Variants in C10orf143 observed in about 807,000 individuals in gnomAD.
The protein encoded by C10orf143 is uncharacterized protein C10orf143.
At position 130,058,580 on chromosome 10, in the gene C10orf143, A is replaced by ATTTT. The variant is rs5789009; in HGVS notation, c.297+20982_297+20985dup. 1.4e-3 allele frequency among the ~76,000 whole-genome samples: 201 copies of ATTTT among 144,118 alleles called. 3 individuals carry two copies. In the East Asian group the frequency reaches 0.026, roughly 19 times the overall value. The allele number at this position is 144,118 out of a possible 152,430, so 94.5% of individuals were successfully genotyped here. ...AATGCACTAGTAGGTTTTAAACAGC[A>ATTTT]TTTTTTTTTTTTTTTCAGAAATGAT... On this transcript the variant is annotated intron_variant and NMD_transcript_variant, in intron 3 of 5. Coordinates refer to the C10orf143 transcript ENST00000643056.
chr10:130,108,623 A>C (rs1861706415), intron 1 of C10orf143: 1 of 505,076 alleles, frequency 2.0e-6, no homozygotes, highest in Non-Finnish European at 3.6e-6. Flanking sequence ...TAAGTAAATT[A>C]TTTCCATTGT....
chr10:130,103,238 A>G (rs1396550193), intron 1 of C10orf143, among the ~76,000 whole-genome samples: 42 of 152,160 alleles, frequency 2.8e-4, no homozygotes, highest in Admixed American at 2.7e-3. Context: ...TTGGCCTCCC[A>G]AAGTACTGGG....
chr10:130,106,372 G>A lies in C10orf143; in HGVS notation c.69+4332C>T, dbSNP rs757855468. On this transcript the variant is annotated intron_variant, in intron 1 of 3. Transcript: ENST00000637128. ...AAGAGTATGAAGACTATGAAGTAGC[G>A]TCATCGTTAGAGGATGCCAGCTTTG... 1.1e-5 allele frequency: 17 copies of A among 1,602,006 alleles called. No homozygotes were observed. The South Asian group carries it at 1.1e-4, about 10-fold the overall frequency.
chr10:130,047,126 A>G (rs1037938129), intron 3 of C10orf143, among the ~76,000 whole-genome samples: 2 of 152,256 alleles, frequency 1.3e-5, no homozygotes, highest in Admixed American at 6.5e-5. Flanking sequence ...CAATATCCAG[A>G]TGGGCTCCAA....
At chr10:130,043,763 T>G (rs1222847967) in intron 3 of C10orf143, among the ~76,000 whole-genome samples, 1 of 152,242 alleles carries the variant, frequency 6.6e-6, no homozygotes, top group Non-Finnish European at 1.5e-5. Flanking sequence ...CCAGAGGTGC[T>G]TATGCCCTGC....
rs567695294 is a variant in C10orf143 at position 130,056,813 on chromosome 10, G to A, written c.298-20843C>T. On this transcript the variant is annotated intron_variant and NMD_transcript_variant, in intron 3 of 5. Coordinates refer to the C10orf143 transcript ENST00000643056. The surrounding 1 kb of genome is among the most constrained non-coding windows in gnomAD (Gnocchi z 4.6). ...TCACCATGTTAGCCAAGATGGTCTC[G>A]ATCTCCTGACCTCATGATCCGCCTG... Among the ~76,000 whole-genome samples the A allele has an allele frequency of 1.3e-5, 2 of 152,008 alleles. No individual in the cohort carries two copies. Among genetic ancestry groups the A allele is most frequent in the African/African-American group, 2.4e-5 (1 of 41,384 alleles).
intron 3 of C10orf143, among the ~76,000 whole-genome samples, chr10:130,050,128 G>T (rs892974082): frequency 1.3e-5 from 2 of 152,250 alleles, no homozygotes; most frequent in African/African-American, 4.8e-5. Flanking sequence ...CAGGTGGTGG[G>T]ACCCGCCTGG....
chr10:130,040,930 C>T (rs1369895978), intron 3 of C10orf143, among the ~76,000 whole-genome samples: 2 of 152,136 alleles, frequency 1.3e-5, no homozygotes, highest in African/African-American at 4.8e-5. Flanking sequence ...ACACTGGCCT[C>T]CTTGCTTGGG....
chr10:130,051,246 C>A (rs188865581), intron 3 of C10orf143, among the ~76,000 whole-genome samples: 1 of 150,472 alleles, frequency 6.6e-6, no homozygotes, highest in Non-Finnish European at 1.5e-5. Flanking sequence ...CTCCTACCCC[C>A]GCCTCATTAA....
chr10:130,096,981 G>C (rs1241000666), intron 1 of C10orf143, among the ~76,000 whole-genome samples: 1 of 144,898 alleles, frequency 6.9e-6, no homozygotes, highest in Non-Finnish European at 1.5e-5. Flanking sequence ...TTTTTTTTGA[G>C]ACAGAGTCTC....
At chr10:130,035,657 G>A (rs61875985) in intron 4 of C10orf143, among the ~76,000 whole-genome samples, 1 of 152,190 alleles carries the variant, frequency 6.6e-6, no homozygotes, top group Admixed American at 6.5e-5. Context: ...GGTGGTAGCT[G>A]CCAGGATTCC....
At chr10:130,055,942 T>C (rs1342576440) in intron 3 of C10orf143, among the ~76,000 whole-genome samples, 1 of 94,522 alleles carries the variant, frequency 1.1e-5, no homozygotes, top group African/African-American at 4.3e-5. Flanking sequence ...CAAGACTCCG[T>C]CTCCAAAAGT....
At chr10:130,106,655 C>T in intron 1 of C10orf143, 1 of 1,243,064 alleles carries the variant, frequency 8.0e-7, no homozygotes, top group Non-Finnish European at 1.2e-6. Flanking sequence ...TGAGAAACAA[C>T]TGAAGATAGC....
At position 130,110,697 on chromosome 10, in the gene C10orf143, G is replaced by A. The variant is rs1861753099; in HGVS notation, c.69+7C>T. 2.5e-6 allele frequency: 1 copy of A among 398,696 alleles called. No individual in the cohort carries two copies. Among genetic ancestry groups the A allele is most frequent in the African/African-American group, 2.1e-5 (1 of 48,644 alleles). 24.7% of individuals were successfully genotyped at this position (398,696 alleles called of 1,614,324 possible). ...CCGTCCCTAACGCCCAGGCCCCGGGGGCTCACCACGTCCCCCGGAACCTGC... is the reference window on the plus strand; with the variant it reads ...CCGTCCCTAACGCCCAGGCCCCGGGAGCTCACCACGTCCCCCGGAACCTGC... On this transcript the variant is annotated splice_region_variant and intron_variant, in intron 1 of 3. Coordinates refer to ENST00000637128, the MANE Select transcript of C10orf143 (RefSeq NM_001355042.2).
At chr10:130,055,022 A>G (rs950923114) in intron 3 of C10orf143, among the ~76,000 whole-genome samples, 5 of 152,188 alleles carry the variant, frequency 3.3e-5, no homozygotes, top group Non-Finnish European at 7.3e-5. Flanking sequence ...AATGAAATTG[A>G]ACGATTATCT....
In C10orf143 at chr10:130,072,708, T is replaced by C. The variant is rs1407541714; in HGVS notation, c.297+6858A>G. Among the ~76,000 whole-genome samples, 4 of 152,356 alleles carry C rather than the reference T, an allele frequency of 2.6e-5. No homozygotes were observed. In the East Asian group the frequency reaches 7.7e-4, roughly 29 times the overall value. On this transcript the variant is annotated intron_variant, in intron 3 of 3. Transcript: ENST00000637128. ...CATGGCAGGCTTGGTTGCAGAACAC[T>C]GCAATAAAGTGAGTCACACAAATTT...
intron 1 of C10orf143, chr10:130,108,298 C>A: frequency 6.4e-7 from 1 of 1,567,840 alleles, no homozygotes; most frequent in Non-Finnish European, 8.8e-7. Flanking sequence ...TGAGAAATGT[C>A]TATCCACCGA....
intron 1 of C10orf143, among the ~76,000 whole-genome samples, chr10:130,087,130 C>T (rs1861303046): frequency 2.0e-5 from 3 of 152,162 alleles, no homozygotes; most frequent in Non-Finnish European, 4.4e-5. Context: ...CTGTTACTTA[C>T]TGTGGATTAT....
chr10:130,100,565 G>A (rs1333736197), intron 1 of C10orf143, among the ~76,000 whole-genome samples: 1 of 152,050 alleles, frequency 6.6e-6, no homozygotes, highest in African/African-American at 2.4e-5. Context: ...AAATTTAGCA[G>A]AGAAGAACAT....
Sources: gnomAD v4.1 joint callset for allele counts (sites outside exome capture counted in the v4.1 genomes callset) on GRCh38, gnomAD v4.1.1 for gene constraint, Gnocchi (gnomAD v3.1) non-coding constraint, MANE v1.5 for transcripts, NCBI Gene and HGNC (gene_info 2026-07-23, HGNC 2026-07-21) for gene names.